Variants in PPARD observed in about 807,000 individuals in gnomAD.
The protein encoded by PPARD is peroxisome proliferator activated receptor delta.
PPARD carries 6 observed loss-of-function variants against 39.5 expected under a neutral mutation model. That is an observed-to-expected ratio of 0.15 (90% confidence interval 0.08 to 0.30). The LOEUF is 0.30. Ranked by LOEUF, PPARD falls within the 10% of genes least tolerant of loss-of-function variation. The pLI is 1.00. For synonymous variants in PPARD, 210 were observed against 231.3 expected, an observed-to-expected ratio of 0.91 and a Z score of 0.83; for missense variants, 397 against 596.8, an observed-to-expected ratio of 0.67 and a Z score of 3.49.
In PPARD at chr6:35,412,719, G is replaced by A. The variant is rs539250333; in HGVS notation, c.130+1502G>A. 6.6e-6 allele frequency among the ~76,000 whole-genome samples: 1 copy of A among 152,322 alleles called. No individual in the cohort carries two copies. The highest frequency in any genetic ancestry group is 2.4e-5 in the African/African-American group (1 of 41,578). On this transcript the variant is annotated intron_variant, in intron 3 of 7. Coordinates refer to ENST00000360694, the MANE Select transcript of PPARD (RefSeq NM_006238.5). The surrounding 1 kb of genome is among the most constrained non-coding windows in gnomAD (Gnocchi z 4.1). ...TCATCTCACCCAGGATCACCTGGGA[G>A]TGACCAAAGTAGGCCAAATGTGATT... is the stretch of plus-strand genomic sequence containing the variant.
chr6:35,399,794 G>T (rs1206239946), intron 2 of PPARD, among the ~76,000 whole-genome samples: 1 of 152,102 alleles, frequency 6.6e-6, no homozygotes, highest in African/African-American at 2.4e-5. Context: ...TGATCTTTAT[G>T]TAAATTCGTA....
chr6:35,404,751 C>T (rs1255894371), intron 2 of PPARD, among the ~76,000 whole-genome samples: 3 of 152,188 alleles, frequency 2.0e-5, no homozygotes, highest in Non-Finnish European at 4.4e-5. Context: ...TGCTCTGGCC[C>T]CAGACCAGGT....
intron 2 of PPARD, among the ~76,000 whole-genome samples, chr6:35,358,013 TACCCCTTTATA>T (rs1761718536): frequency 6.6e-6 from 1 of 152,176 alleles, no homozygotes; most frequent in African/African-American, 2.4e-5. Context: ...CCCCAAAATA[TACCCCTTTATA>T]ACCCCTGTAA....
intron 2 of PPARD, among the ~76,000 whole-genome samples, chr6:35,365,467 C>T (rs1762164365): frequency 6.8e-6 from 1 of 147,686 alleles, no homozygotes; most frequent in African/African-American, 2.6e-5. Context: ...TAACAGTTGG[C>T]TCATCCATTG....
At chr6:35,421,120 C>G (rs1766130743) in intron 4 of PPARD, among the ~76,000 whole-genome samples, 1 of 151,188 alleles carries the variant, frequency 6.6e-6, no homozygotes, top group South Asian at 2.1e-4. Context: ...AACCACTGTG[C>G]CTGACCCAAT....
At chr6:35,417,462 T>A (rs991238989) in intron 3 of PPARD, among the ~76,000 whole-genome samples, 7 of 152,072 alleles carry the variant, frequency 4.6e-5, no homozygotes, top group Non-Finnish European at 8.8e-5. Flanking sequence ...TTTTTTTTTT[T>A]TTACTTTTTA....
intron 2 of PPARD, among the ~76,000 whole-genome samples, chr6:35,381,692 A>T (rs1763164156): frequency 6.6e-6 from 1 of 152,218 alleles, no homozygotes; most frequent in Admixed American, 6.5e-5. Context: ...TGCCTCCATT[A>T]GTTGCAAGGG....
chr6:35,347,210 A>C, intron 2 of PPARD, 60 bp downstream of exon 2: 5 of 1,511,652 alleles, frequency 3.3e-6, no homozygotes, highest in Non-Finnish European at 4.4e-6. Context: ...ATCCAGATTT[A>C]AGATCCTGAC....
chr6:35,375,053 C>T (rs1475885802), intron 2 of PPARD, among the ~76,000 whole-genome samples: 2 of 152,080 alleles, frequency 1.3e-5, no homozygotes, highest in African/African-American at 4.8e-5. Context: ...TTAGGAGTTT[C>T]TTTCATAAAC....
chr6:35,384,218 G>A (rs1763401458), intron 2 of PPARD, among the ~76,000 whole-genome samples: 3 of 139,842 alleles, frequency 2.1e-5, no homozygotes, highest in Admixed American at 6.9e-5. Context: ...GGAGGTGGGG[G>A]GGTCAGCCCC....
Position 35,366,491 on chromosome 6 carries a change from GGCCTA to G in PPARD, c.-102+19343_-102+19347del, listed in dbSNP as rs1398631917. Among the ~76,000 whole-genome samples, 1 of 151,554 alleles carries G rather than the reference GGCCTA, an allele frequency of 6.6e-6. No individual in the cohort carries two copies. The highest frequency in any genetic ancestry group is 1.5e-5 in the Non-Finnish European group (1 of 68,014). ...AAATGGAGAGAGATACACAGGCAGAGGCCTAGATTAGGAGATGGCTATAGTAGTAC... is the reference window on the plus strand; with the variant it reads ...AAATGGAGAGAGATACACAGGCAGAGGATTAGGAGATGGCTATAGTAGTAC... On this transcript the variant is annotated intron_variant, in intron 2 of 7. Transcript: ENST00000360694. The surrounding 1 kb of genome is among the most constrained non-coding windows in gnomAD (Gnocchi z 4.6).
At chr6:35,391,787 G>A (rs55893011) in intron 2 of PPARD, among the ~76,000 whole-genome samples, 1 of 152,188 alleles carries the variant, frequency 6.6e-6, no homozygotes, top group African/African-American at 2.4e-5. Context: ...TCATTTCTGA[G>A]CTATGTGAGA....
intron 2 of PPARD, among the ~76,000 whole-genome samples, chr6:35,399,735 A>C (rs146031293): frequency 2.1e-4 from 32 of 152,326 alleles, no homozygotes; most frequent in Middle Eastern, 6.8e-3. Flanking sequence ...CCCTCTTCAT[A>C]CAGGGGAACT....
At chr6:35,419,666 T>C (rs1158098309) in intron 3 of PPARD, among the ~76,000 whole-genome samples, 1 of 152,176 alleles carries the variant, frequency 6.6e-6, no homozygotes, top group African/African-American at 2.4e-5. Context: ...AGGTCTACAG[T>C]CCTGCAGTTT....
chr6:35,410,999 C>A lies in PPARD; in HGVS notation c.-89C>A. On this transcript the variant is annotated 5_prime_UTR_variant, in exon 3 of 8. Coordinates refer to ENST00000360694, the MANE Select transcript of PPARD (RefSeq NM_006238.5). Reference sequence around the variant, plus strand: ...CTCCTCTGCCCAGGCTGATGGGAACCACCCTGTAGAGGTCCATCTGCGTTC... The same window carrying A: ...CTCCTCTGCCCAGGCTGATGGGAACAACCCTGTAGAGGTCCATCTGCGTTC... The A allele has an allele frequency of 7.7e-7, 1 of 1,296,312 alleles. No homozygotes were observed. Among genetic ancestry groups the A allele is most frequent in the Non-Finnish European group, 9.9e-7 (1 of 1,012,458 alleles). The allele number at this position is 1,296,312 out of a possible 1,614,324, so 80.3% of individuals were successfully genotyped here.
rs200068853 is a variant in PPARD at position 35,424,622 on chromosome 6, C to T, written c.921C>T (p.Asn307=). 60 of 1,614,124 alleles carry T rather than the reference C, an allele frequency of 3.7e-5. No homozygotes were observed. Among genetic ancestry groups the T allele is most frequent in the East Asian group, 1.6e-4 (7 of 44,900 alleles). Residue 307 remains asparagine, a synonymous_variant, in exon 7 of 8, where the codon AAC becomes AAT. Coordinates refer to ENST00000360694, the MANE Select transcript of PPARD (RefSeq NM_006238.5). This position sits in a 1 kb window ranked among gnomAD's most constrained non-coding sequence, Gnocchi z 7.1. ...ACAAGGACGGGCTGCTGGTAGCCAA[C>T]GGCAGTGGCTTTGTCACCCGTGAGT... ...IVNKDGLLVA[N]GSGFVTREFL...
chr6:35,416,865 TTTC>T (rs1765806369), intron 3 of PPARD, among the ~76,000 whole-genome samples: 1 of 152,228 alleles, frequency 6.6e-6, no homozygotes, highest in African/African-American at 2.4e-5. Flanking sequence ...ATGTTCTAGT[TTTC>T]TTATCTCTTT....
At position 35,427,868 on chromosome 6, in the gene PPARD, C is replaced by T. The variant is rs1262756584; in HGVS notation, c.*1789C>T. The T allele has an allele frequency of 1.3e-5, 2 of 152,928 alleles. No homozygotes were observed. The highest frequency in any genetic ancestry group is 6.5e-5 in the Admixed American group (1 of 15,284). The allele number at this position is 152,928 out of a possible 1,614,324, so 9.5% of individuals were successfully genotyped here. ...GGCGCTGCAGCCTCCCTTCCATGCC[C>T]CAGGATCACTCTCTGCTGGCAGGAT... On this transcript the variant is annotated 3_prime_UTR_variant, in exon 8 of 8. Coordinates refer to ENST00000360694, the MANE Select transcript of PPARD (RefSeq NM_006238.5).
chr6:35,420,981 C>T (rs2395622), intron 4 of PPARD, among the ~76,000 whole-genome samples: 120,002 of 151,960 alleles, frequency 0.79, 47,727 homozygotes, highest in Non-Finnish European at 0.82. Flanking sequence ...TACATGCCAC[C>T]ATGCCTGGCT....
Sources: allele counts gnomAD v4.1 joint callset (sites outside exome capture counted in the v4.1 genomes callset), GRCh38; gene constraint gnomAD v4.1.1; non-coding constraint Gnocchi (gnomAD v3.1); transcripts MANE v1.5; gene names NCBI Gene and HGNC (gene_info 2026-07-23, HGNC 2026-07-21).